The following MDM2 variants were observed in gnomAD, a reference collection of about 807,000 sequenced individuals.
MDM2 encodes MDM2 proto-oncogene.
Under a neutral mutation model 64.3 loss-of-function variants are expected in MDM2, and 11 were observed. The observed-to-expected ratio is 0.17, with a 90% CI of 0.11 to 0.28. The LOEUF is 0.28. Among genes scored for constraint, MDM2 ranks in the 10% least tolerant of loss-of-function variants. The probability of loss-of-function intolerance (pLI) is 1.00; values close to 1 mark genes in which losing one functional copy is unlikely to be tolerated. For missense variants in MDM2, 388 were observed against 577.1 expected (o/e 0.67, Z 3.36); for synonymous variants, 194 against 192.9 (o/e 1.01, Z -0.05).
intron 2 of MDM2, among the ~76,000 whole-genome samples, chr12:68,810,132 T>A (rs1431032473): frequency 6.6e-6 from 1 of 151,936 alleles, no homozygotes; most frequent in Non-Finnish European, 1.5e-5. Flanking sequence ...GCCAACATGG[T>A]GAAAACCTGT....
intron 5 of MDM2, 162 bp from the exon 6 acceptor site, chr12:68,824,201 A>G: frequency 1.7e-6 from 1 of 577,192 alleles, no homozygotes; most frequent in Admixed American, 3.5e-5. Context: ...TTACATCTGC[A>G]ACATTTAGTA....
At chr12:68,809,073 C>A in intron 1 of MDM2, 135 bp from the exon 2 acceptor site, 2 of 1,501,892 alleles carry the variant, frequency 1.3e-6, no homozygotes, top group South Asian at 2.8e-5. Flanking sequence ...GCCACTTTTT[C>A]TCTGCTGATC....
intron 2 of MDM2, 84 bp from the exon 3 acceptor site, chr12:68,813,470 T>A: frequency 1.1e-6 from 1 of 883,598 alleles, no homozygotes; most frequent in Non-Finnish European, 1.8e-6. Flanking sequence ...TCCCCTTTAT[T>A]GAACTTGATG....
intron 4 of MDM2, among the ~76,000 whole-genome samples, chr12:68,818,742 G>A (rs1881604118): frequency 6.6e-6 from 1 of 151,214 alleles, no homozygotes; most frequent in Non-Finnish European, 1.5e-5. Context: ...TTTACCTATT[G>A]AATATTGAAT....
At chr12:68,824,267 T>C in intron 5 of MDM2, 96 bp from the exon 6 acceptor site, 1 of 775,144 alleles carries the variant, frequency 1.3e-6, no homozygotes, top group South Asian at 1.7e-5. Context: ...TTAAATTGCA[T>C]AAGGGTTTGT....
chr12:68,830,002 C>T (rs911960698), intron 8 of MDM2, among the ~76,000 whole-genome samples: 2 of 152,084 alleles, frequency 1.3e-5, no homozygotes, highest in African/African-American at 4.8e-5. Flanking sequence ...GGGCCATATG[C>T]CAGGATGGCT....
chr12:68,842,205 A>G lies in MDM2; in HGVS notation c.*2356A>G. 2 of 500,658 alleles carry G rather than the reference A, an allele frequency of 4.0e-6. No individual in the cohort carries two copies. Among genetic ancestry groups the G allele is most frequent in the Non-Finnish European group, 7.9e-6 (2 of 254,030 alleles). The allele number at this position is 500,658 out of a possible 1,614,324, so 31.0% of individuals were successfully genotyped here. A position where few individuals can be genotyped will look rare whatever the true frequency, so the allele number is the denominator to read the frequency against. On this transcript the variant is annotated 3_prime_UTR_variant, in exon 11 of 11. Transcript: ENST00000258149. ...TGATGCAGTGAAGACAGTTGAAAAG[A>G]TCAAACAAATGCCAAGCTATATTTA...
chr12:68,824,741 T>C (rs1274770020), intron 7 of MDM2, 90 bp downstream of exon 7: 1 of 840,502 alleles, frequency 1.2e-6, no homozygotes, highest in Admixed American at 2.8e-5. Flanking sequence ...AATTAAATTG[T>C]TCCCTTTTTT....
At chr12:68,810,845 G>A (rs367545176) in intron 2 of MDM2, among the ~76,000 whole-genome samples, 1 of 151,388 alleles carries the variant, frequency 6.6e-6, no homozygotes, top group African/African-American at 2.4e-5. Flanking sequence ...TGGTGAGGCT[G>A]GGCACCTTTC....
intron 1 of MDM2, chr12:68,808,948 C>G: frequency 7.2e-7 from 1 of 1,383,358 alleles, no homozygotes; most frequent in Non-Finnish European, 9.3e-7. Flanking sequence ...CGTTCCGAAA[C>G]TGCAGTAAAA....
chr12:68,826,544 G>A (rs540929584), intron 7 of MDM2, among the ~76,000 whole-genome samples: 7 of 151,368 alleles, frequency 4.6e-5, no homozygotes, highest in East Asian at 3.9e-4. Context: ...AGCTACTTGG[G>A]AGGCTGAGGC....
Position 68,810,561 on chromosome 12 carries a change from A to C in MDM2, c.99+1269A>C, listed in dbSNP as rs187761257. On this transcript the variant is annotated intron_variant, in intron 2 of 10. Coordinates refer to ENST00000258149, the MANE Select transcript of MDM2 (RefSeq NM_002392.6). ...ACTGCAATCTCCGTTCCCCGGGTTC[A>C]CGCCATTCCCCTGCCTCAGCCTCCC... 1.1e-3 allele frequency among the ~76,000 whole-genome samples: 171 copies of C among 151,640 alleles called. 1 individual carries two copies. The East Asian group carries it at 0.02, about 18-fold the overall frequency.
At chr12:68,828,021 C>T (rs898532663) in intron 7 of MDM2, 1 of 152,196 alleles carries the variant, frequency 6.6e-6, no homozygotes, top group African/African-American at 2.4e-5. Context: ...ATCCCAGCTA[C>T]TTGGAAGCTG....
chr12:68,846,803 C>G (rs577904531), downstream of MDM2: 18 of 152,178 alleles, frequency 1.2e-4, no homozygotes, highest in South Asian at 3.7e-3. Context: ...AGTCACAGAT[C>G]TGGTACTTAC....
intron 7 of MDM2, 112 bp from the exon 8 acceptor site, chr12:68,828,658 TA>T (rs1262754412): frequency 2.5e-5 from 20 of 813,030 alleles, no homozygotes; most frequent in Admixed American, 8.0e-5. Flanking sequence ...AAAACAGTGT[TA>T]ACTTTTGAAC....
intron 8 of MDM2, among the ~76,000 whole-genome samples, chr12:68,832,559 C>T (rs1289977477): frequency 1.3e-5 from 2 of 152,020 alleles, no homozygotes; most frequent in South Asian, 2.1e-4. Context: ...GTTGCCCAGG[C>T]GGGAGTGCAG....
rs1419176878 is a variant in MDM2 at position 68,820,293 on chromosome 12, C to A, written c.309-32C>A. On this transcript the variant is annotated intron_variant, in intron 4 of 10. Transcript: ENST00000258149. ...CAAATTTTTATTCTAAAATGTACAT[C>A]TCTTGTTATTTTTTTTTTTTCTGTC... 4.8e-6 allele frequency: 7 copies of A among 1,453,170 alleles called. No individual in the cohort carries two copies. In the African/African-American group the frequency reaches 7.1e-5, roughly 15 times the overall value. The allele number at this position is 1,453,170 out of a possible 1,614,324, so 90.0% of individuals were successfully genotyped here.
At chr12:68,809,024 A>G in intron 1 of MDM2, 184 bp from the exon 2 acceptor site, 1 of 1,483,248 alleles carries the variant, frequency 6.7e-7, no homozygotes, top group Non-Finnish European at 8.9e-7. Flanking sequence ...AGCTGTGTTC[A>G]GTGGCGATTG....
intron 8 of MDM2, among the ~76,000 whole-genome samples, chr12:68,831,355 G>T (rs1565742678): frequency 6.6e-6 from 1 of 152,144 alleles, no homozygotes; most frequent in Non-Finnish European, 1.5e-5. Context: ...TGTCTTATTT[G>T]CATAGGGCTC....
Sources: allele counts gnomAD v4.1 joint callset (sites outside exome capture counted in the v4.1 genomes callset), GRCh38; gene constraint gnomAD v4.1.1; transcripts MANE v1.5; gene names NCBI Gene and HGNC (gene_info 2026-07-23, HGNC 2026-07-21).